Variants in ESCO1 observed in about 807,000 individuals in gnomAD.
The protein encoded by ESCO1 is establishment of sister chromatid cohesion N-acetyltransferase 1.
Under a neutral mutation model 83.5 loss-of-function variants are expected in ESCO1, and 33 were observed. That is an observed-to-expected ratio of 0.40 (90% CI 0.30 to 0.53). The LOEUF is 0.53. Ranked by LOEUF, ESCO1 falls within the 20% of genes least tolerant of loss-of-function variation. ESCO1 has a pLI of 0.63. For missense variants in ESCO1, 855 were observed against 968.0 expected (o/e 0.88, Z 1.55); for synonymous variants, 332 against 324.3 (o/e 1.02, Z -0.25).
chr18:21,551,804 A>C (rs532224562), intron 8 of ESCO1, among the ~76,000 whole-genome samples: 1 of 152,328 alleles, frequency 6.6e-6, no homozygotes, highest in African/African-American at 2.4e-5. Flanking sequence ...AGAGACACCT[A>C]ATACCAGAAC....
In ESCO1 at chr18:21,575,697, G is replaced by A. The variant is rs770285172; in HGVS notation, c.-613C>T. 9.5e-5 allele frequency: 38 copies of A among 398,250 alleles called. No individual in the cohort carries two copies. The highest frequency in any genetic ancestry group is 1.4e-4 in the Non-Finnish European group (32 of 225,932). 24.7% of individuals were successfully genotyped at this position (398,250 alleles called of 1,614,324 possible). The stretch of plus-strand genomic sequence containing the variant: ...AGTTTTTGCCCCAAAATATAGACTC[G>A]ATGTCTCAGCCACCATAACTCATGA... On this transcript the variant is annotated 5_prime_UTR_variant, in exon 3 of 12. An upstream open reading frame in the 5' UTR gains an earlier in-frame stop. Coordinates refer to ENST00000269214, the MANE Select transcript of ESCO1 (RefSeq NM_052911.3).
chr18:21,572,779 A>C (rs2038357553), intron 4 of ESCO1, among the ~76,000 whole-genome samples: 1 of 152,102 alleles, frequency 6.6e-6, no homozygotes, highest in South Asian at 2.1e-4. Context: ...AGCCTGATCA[A>C]CATGGAGAAA....
At position 21,574,235 on chromosome 18, in the gene ESCO1, C is replaced by T. The variant is rs752674665; in HGVS notation, c.609G>A (p.Gly203=). 37 of 1,613,414 alleles carry T rather than the reference C, an allele frequency of 2.3e-5. No individual in the cohort carries two copies. The South Asian group carries it at 3.5e-4, about 15-fold the overall frequency. ...TCTGATGTTCTACCTTGCGTTTTTT[C>T]CCTTTGGGAGAATTTATTACTTCAT... The part of the protein sequence containing the change: ...VINEVINSPK[G]KKRKVEHQTA... The change falls in exon 4 of 12, where the codon GGG becomes GGA. Residue 203 remains glycine, a synonymous_variant. Transcript: ENST00000269214.
In ESCO1 at chr18:21,568,774, G is replaced by T. The variant is rs140369178; in HGVS notation, c.1531-680C>A. ...AAAAATTAGCTGGGCGTGATGGCAA[G>T]CACCTGTAATCCCAGCTACTCGGGA... On this transcript the variant is annotated intron_variant, in intron 4 of 11. Coordinates refer to ENST00000269214, the MANE Select transcript of ESCO1 (RefSeq NM_052911.3). 4.3e-3 allele frequency among the ~76,000 whole-genome samples: 648 copies of T among 152,058 alleles called. 3 individuals carry two copies. The highest frequency in any genetic ancestry group is 0.015 in the African/African-American group (620 of 41,466).
intron 4 of ESCO1, among the ~76,000 whole-genome samples, chr18:21,570,707 G>A (rs543220662): frequency 6.6e-6 from 1 of 152,172 alleles, no homozygotes; most frequent in Admixed American, 6.5e-5. Flanking sequence ...GGCCAGGCGT[G>A]GTGGCTCACA....
chr18:21,560,627 G>C (rs750110949), intron 8 of ESCO1, among the ~76,000 whole-genome samples: 5 of 151,968 alleles, frequency 3.3e-5, no homozygotes, highest in Non-Finnish European at 7.4e-5. Context: ...CTTTAGAAAA[G>C]TAAAATTTAA....
intron 9 of ESCO1, among the ~76,000 whole-genome samples, chr18:21,537,933 T>C (rs947955472): frequency 9.9e-5 from 15 of 152,054 alleles, no homozygotes; most frequent in Non-Finnish European, 2.1e-4. Flanking sequence ...AATAAACATA[T>C]TGGAAAATTT....
At chr18:21,584,959 G>A (rs1266011711) in intron 1 of ESCO1, among the ~76,000 whole-genome samples, 2 of 152,010 alleles carry the variant, frequency 1.3e-5, no homozygotes, top group Non-Finnish European at 2.9e-5. Flanking sequence ...GGCCAAGATG[G>A]TGAAGCCCCG....
intron 6 of ESCO1, among the ~76,000 whole-genome samples, chr18:21,565,502 G>C (rs1321491678): frequency 6.6e-6 from 1 of 152,216 alleles, no homozygotes; most frequent in African/African-American, 2.4e-5. Context: ...AGACACACAA[G>C]TAAGCAAAGA....
intron 1 of ESCO1, among the ~76,000 whole-genome samples, chr18:21,591,411 GA>G (rs1279877945): frequency 1.3e-5 from 2 of 152,242 alleles, no homozygotes; most frequent in African/African-American, 4.8e-5. Flanking sequence ...GCAGACATAG[GA>G]AACTGGTCTC....
intron 5 of ESCO1, among the ~76,000 whole-genome samples, chr18:21,567,260 A>C (rs2038275148): frequency 6.6e-6 from 1 of 152,070 alleles, no homozygotes; most frequent in Non-Finnish European, 1.5e-5. Context: ...AGGTTCAAGC[A>C]ATTCTCCTGA....
At chr18:21,593,856 G>T (rs2038722268) in intron 1 of ESCO1, among the ~76,000 whole-genome samples, 1 of 150,610 alleles carries the variant, frequency 6.6e-6, no homozygotes, top group South Asian at 2.1e-4. Context: ...TATCCTGAAA[G>T]TCCTGACCCT....
Position 21,573,444 on chromosome 18 carries a change from T to C in ESCO1, c.1400A>G (p.Asp467Gly), listed in dbSNP as rs557869178. ...GGTTTTATTAATTTCTACTGTAATA[T>C]CATTAATTTTCACTTCTTCAGAATT... ...EINSEEVKIN[D>G]ITVEINKTTE... Residue 467 changes from aspartate (D) to glycine (G), a missense_variant, in exon 4 of 12, where the codon GAT becomes GGT. Asp to Gly is a moderately conservative substitution (Grantham distance 94). This residue lies in a region of ESCO1 where 726 missense variants were observed against 699.5 expected (regional missense o/e 1.04). Coordinates refer to ENST00000269214, the MANE Select transcript of ESCO1 (RefSeq NM_052911.3). 1 of 1,612,088 alleles carries C rather than the reference T, an allele frequency of 6.2e-7. No individual in the cohort carries two copies.
chr18:21,585,546 C>A (rs1006587100), intron 1 of ESCO1, among the ~76,000 whole-genome samples: 2 of 152,134 alleles, frequency 1.3e-5, no homozygotes, highest in Non-Finnish European at 2.9e-5. Context: ...TGATCTTATA[C>A]CAGGACTACA....
chr18:21,533,123 T>C (rs1424568757), intron 10 of ESCO1, among the ~76,000 whole-genome samples: 1 of 151,846 alleles, frequency 6.6e-6, no homozygotes, highest in Admixed American at 6.6e-5. Flanking sequence ...AGACTAGGGA[T>C]AGCAGAGAAA....
intron 1 of ESCO1, among the ~76,000 whole-genome samples, chr18:21,585,419 T>C (rs2038561433): frequency 6.6e-6 from 1 of 152,128 alleles, no homozygotes; most frequent in South Asian, 2.1e-4. Flanking sequence ...ACCAGTATCA[T>C]TTGTTAAAAA....
chr18:21,579,354 C>T (rs1251612514), intron 2 of ESCO1, among the ~76,000 whole-genome samples: 3 of 151,594 alleles, frequency 2.0e-5, no homozygotes, highest in East Asian at 3.9e-4. Flanking sequence ...CCCAGCTACT[C>T]GGGAGGCTGA....
chr18:21,533,677 A>G (rs538524011), intron 10 of ESCO1, among the ~76,000 whole-genome samples: 89 of 152,336 alleles, frequency 5.8e-4, no homozygotes, highest in African/African-American at 1.9e-3. Flanking sequence ...AAACACCGCT[A>G]TAAGTCATTT....
In ESCO1 at chr18:21,536,057, C is replaced by T. The variant is rs762654521; in HGVS notation, c.2172G>A (p.Ala724=). 1.4e-5 allele frequency: 22 copies of T among 1,613,738 alleles called. No homozygotes were observed. Among genetic ancestry groups the T allele is most frequent in the African/African-American group, 9.3e-5 (7 of 74,892 alleles). ...TATCACTTACCCATTGGATATGTTC[C>T]GCAATTAGGCAGCCAACTACTTTTT... ...NDKKVVGCLI[A]EHIQWGYRVI... The change falls in exon 10 of 12, where the codon GCG becomes GCA. Residue 724 remains alanine (A), a synonymous_variant. Transcript: ENST00000269214.
Sources: gnomAD v4.1 joint callset for allele counts (sites outside exome capture counted in the v4.1 genomes callset) on GRCh38, gnomAD v4.1.1 for gene constraint, gnomAD v4.1.1 regional missense constraint, MANE v1.5 for transcripts, NCBI Gene and HGNC (gene_info 2026-07-23, HGNC 2026-07-21) for gene names.